Variants in NAV3 observed in about 807,000 individuals in gnomAD.
NAV3 encodes pore membrane and/or filament interacting like protein 1.
A neutral mutation model predicts 244.7 loss-of-function variants in NAV3; 87 were observed. The ratio of observed to expected loss-of-function variants is 0.36; its 90% confidence interval spans 0.30 to 0.42. The LOEUF is 0.42. Among genes scored for constraint, NAV3 ranks in the 20% least tolerant of loss-of-function variants. The pLI, the probability that NAV3 is intolerant of heterozygous loss-of-function variation, is 1.00. For synonymous variants in NAV3, 1,126 were observed against 1,042.2 expected, an observed-to-expected ratio of 1.08 and a Z score of -1.55; for missense variants, 2,663 against 2,893.3, an observed-to-expected ratio of 0.92 and a Z score of 1.83.
At chr12:77,771,285 G>C (rs1187544573) in intron 2 of NAV3, among the ~76,000 whole-genome samples, 1 of 152,198 alleles carries the variant, frequency 6.6e-6, no homozygotes. Context: ...AGAGGATGTG[G>C]AGAAACAGGA....
intron 1 of NAV3, among the ~76,000 whole-genome samples, chr12:77,915,526 GAA>G (rs145807687): frequency 2.0e-5 from 3 of 149,562 alleles, no homozygotes; most frequent in Non-Finnish European, 4.5e-5. Flanking sequence ...CATGTTAAAA[GAA>G]AAAAAAAGAT....
chr12:77,583,856 C>T (rs1354298087), intron 2 of NAV3, among the ~76,000 whole-genome samples: 1 of 152,144 alleles, frequency 6.6e-6, no homozygotes, highest in African/African-American at 2.4e-5. Flanking sequence ...TCCTGCCATT[C>T]TTTCTTCAAT....
In NAV3 at chr12:78,039,193, C is replaced by A. The variant is rs574537685; in HGVS notation, c.2024-10800C>A. Among the ~76,000 whole-genome samples the A allele has an allele frequency of 7.2e-5, 11 of 152,120 alleles. No homozygotes were observed. The East Asian group carries it at 2.1e-3, about 29-fold the overall frequency. On this transcript the variant is annotated intron_variant, in intron 9 of 39. Coordinates refer to ENST00000397909, the MANE Select transcript of NAV3 (RefSeq NM_001024383.2). ...TGATGCAATTCCCTAAATAATGATC[C>A]ATGTTAAGTTGTTGAATATATCTAC...
At chr12:77,897,372 T>A (rs1198784068) in intron 1 of NAV3, among the ~76,000 whole-genome samples, 1 of 152,218 alleles carries the variant, frequency 6.6e-6, no homozygotes, top group Non-Finnish European at 1.5e-5. Flanking sequence ...ATGCCTCCTT[T>A]CATGCGATAG....
At chr12:78,083,686 C>T (rs1261482338) in intron 12 of NAV3, among the ~76,000 whole-genome samples, 1 of 152,140 alleles carries the variant, frequency 6.6e-6, no homozygotes, top group Admixed American at 6.5e-5. Context: ...GAAAACTTCA[C>T]CTTCTCCATT....
At chr12:78,103,733 G>C (rs944918482) in intron 12 of NAV3, among the ~76,000 whole-genome samples, 1 of 152,130 alleles carries the variant, frequency 6.6e-6, no homozygotes, top group Non-Finnish European at 1.5e-5. Context: ...AGATGCAAAC[G>C]CAGAAATCCC....
At chr12:77,997,898 A>G (rs1872626525) in intron 6 of NAV3, among the ~76,000 whole-genome samples, 1 of 152,240 alleles carries the variant, frequency 6.6e-6, no homozygotes, top group Non-Finnish European at 1.5e-5. Context: ...CAAACTTACT[A>G]TATAACTACC....
intron 1 of NAV3, among the ~76,000 whole-genome samples, chr12:77,834,527 G>T (rs1174940863): frequency 6.6e-6 from 1 of 152,162 alleles, no homozygotes; most frequent in Non-Finnish European, 1.5e-5. Context: ...AGTCTGTATG[G>T]ATTCAATGGC....
At chr12:77,865,968 A>G (rs1307029941) in intron 1 of NAV3, among the ~76,000 whole-genome samples, 2 of 148,186 alleles carry the variant, frequency 1.3e-5, no homozygotes, top group African/African-American at 2.5e-5. Context: ...AATGTTACCC[A>G]TTGACCTCAC....
chr12:77,962,482 C>T (rs566815032), intron 3 of NAV3, among the ~76,000 whole-genome samples: 1 of 152,198 alleles, frequency 6.6e-6, no homozygotes, highest in African/African-American at 2.4e-5. Flanking sequence ...TGGAGTTATT[C>T]TTGACTCTTC....
rs1877063429 is a variant in NAV3 at position 77,730,341 on chromosome 12, G to A, written c.72+158075G>A. Among the ~76,000 whole-genome samples the A allele has an allele frequency of 2.0e-5, 3 of 151,848 alleles. No homozygotes were observed. In the South Asian group the frequency reaches 6.2e-4, roughly 31 times the overall value. ...AGATGAATAGGATGAAATTTAAAAAGACATTTAGTGAACAAAAAGATTTTT... is the reference window on the plus strand; with the variant it reads ...AGATGAATAGGATGAAATTTAAAAAAACATTTAGTGAACAAAAAGATTTTT... On this transcript the variant is annotated intron_variant, in intron 2 of 8. Coordinates refer to the NAV3 transcript ENST00000550042.
intron 2 of NAV3, among the ~76,000 whole-genome samples, chr12:77,759,615 T>G (rs1425484225): frequency 6.6e-6 from 1 of 152,228 alleles, no homozygotes; most frequent in African/African-American, 2.4e-5. Context: ...GTGTGCTCTA[T>G]ATGGATTAAA....
intron 2 of NAV3, among the ~76,000 whole-genome samples, chr12:77,677,096 C>G (rs1874240885): frequency 6.6e-6 from 1 of 152,212 alleles, no homozygotes; most frequent in Non-Finnish European, 1.5e-5. Flanking sequence ...TTTATCTCTT[C>G]TTAACCCATC....
At chr12:78,200,257 A>G (rs931407918) in intron 37 of NAV3, among the ~76,000 whole-genome samples, 1 of 152,088 alleles carries the variant, frequency 6.6e-6, no homozygotes, top group East Asian at 1.9e-4. Flanking sequence ...TGACTCTAGT[A>G]TATTGTGCCC....
At chr12:77,999,239 G>A (rs1486606876) in intron 7 of NAV3, among the ~76,000 whole-genome samples, 1 of 152,136 alleles carries the variant, frequency 6.6e-6, no homozygotes, top group Admixed American at 6.5e-5. Flanking sequence ...TAAGTAGTAT[G>A]GCTGTGTGAG....
Position 77,968,513 on chromosome 12 carries a change from A to T in NAV3, c.488-6A>T, listed in dbSNP as rs1418759869. ...ATTCTTTTTTTGTATTTTTCATTTC[A>T]TACAGAAATAAGAAATGGAAACTTA... is the stretch of plus-strand genomic sequence containing the variant. On this transcript the variant is annotated splice_polypyrimidine_tract_variant and splice_region_variant and intron_variant, in intron 4 of 39. Transcript: ENST00000397909. 6.2e-7 allele frequency: 1 copy of T among 1,604,464 alleles called. No homozygotes were observed. Among genetic ancestry groups the T allele is most frequent in the Admixed American group, 1.7e-5 (1 of 59,486 alleles).
At chr12:77,692,232 A>T (rs1875066621) in intron 2 of NAV3, among the ~76,000 whole-genome samples, 1 of 152,108 alleles carries the variant, frequency 6.6e-6, no homozygotes, top group Admixed American at 6.6e-5. Context: ...ATATAGGAAT[A>T]CAATGACTAT....
intron 3 of NAV3, among the ~76,000 whole-genome samples, chr12:77,942,347 G>A (rs137944468): frequency 0.01 from 1,527 of 151,558 alleles, 32 homozygotes; most frequent in African/African-American, 0.035. Flanking sequence ...ACTCCGGCCT[G>A]GGCAATACGA....
chr12:77,769,589 G>C (rs1349650121), intron 2 of NAV3, among the ~76,000 whole-genome samples: 3 of 152,186 alleles, frequency 2.0e-5, no homozygotes, highest in African/African-American at 7.2e-5. Context: ...ATACAATTCT[G>C]TGTAACACAA....
Sources: allele counts gnomAD v4.1 joint callset (sites outside exome capture counted in the v4.1 genomes callset), GRCh38; gene constraint gnomAD v4.1.1; transcripts MANE v1.5; gene names NCBI Gene and HGNC (gene_info 2026-07-23, HGNC 2026-07-21).